Variants in CSMD1 observed in about 807,000 individuals in gnomAD.
The protein encoded by CSMD1 is CUB and sushi domain-containing protein 1.
A neutral mutation model predicts 417.5 loss-of-function variants in CSMD1; 213 were observed. The observed-to-expected ratio is 0.51, with a 90% CI of 0.46 to 0.57. The LOEUF (loss-of-function observed/expected upper bound fraction) is 0.57. CSMD1 is among the 20% of genes least tolerant of loss of function. The pLI is 0.00. For synonymous variants in CSMD1, 2,862 were observed against 1,736.8 expected, an observed-to-expected ratio of 1.65 and a Z score of -16.11; for missense variants, 6,923 against 4,529.7, an observed-to-expected ratio of 1.53 and a Z score of -15.17.
At chr8:3,548,376 G>A (rs1156388850) in intron 10 of CSMD1, among the ~76,000 whole-genome samples, 1 of 152,050 alleles carries the variant, frequency 6.6e-6, no homozygotes, top group Non-Finnish European at 1.5e-5. Context: ...TGATTCGTGA[G>A]ATTTTGGTGC....
intron 1 of CSMD1, among the ~76,000 whole-genome samples, chr8:4,874,562 G>C (rs1351930263): frequency 6.6e-6 from 1 of 151,366 alleles, no homozygotes; most frequent in South Asian, 2.1e-4. Context: ...GCTAATTTTT[G>C]TATTTTTTAG....
intron 1 of CSMD1, among the ~76,000 whole-genome samples, chr8:4,737,152 C>T (rs1055301645): frequency 3.4e-5 from 5 of 146,972 alleles, no homozygotes; most frequent in African/African-American, 1.4e-4. Context: ...TATTATGCAG[C>T]CACAAAAAAA....
At chr8:3,645,028 T>C (rs1797509633) in intron 7 of CSMD1, among the ~76,000 whole-genome samples, 3 of 151,452 alleles carry the variant, frequency 2.0e-5, no homozygotes, top group African/African-American at 4.9e-5. Flanking sequence ...TCTTCCTTTC[T>C]GTCCTCTACT....
intron 21 of CSMD1, among the ~76,000 whole-genome samples, chr8:3,350,405 T>C (rs555228800): frequency 2.6e-5 from 4 of 152,192 alleles, no homozygotes; most frequent in South Asian, 2.1e-4. Context: ...AACTGAAGCA[T>C]AGAATAGTTT....
At chr8:3,073,818 G>C (rs573038893) in intron 49 of CSMD1, among the ~76,000 whole-genome samples, 33 of 151,856 alleles carry the variant, frequency 2.2e-4, no homozygotes, top group African/African-American at 6.8e-4. Flanking sequence ...ATTCTCTACT[G>C]AGTAATGATC....
At chr8:4,157,697 G>C (rs13270571) in intron 3 of CSMD1, among the ~76,000 whole-genome samples, 47,172 of 152,028 alleles carry the variant, frequency 0.31, 9,086 homozygotes, top group Non-Finnish European at 0.42. Context: ...AACCGGCCTT[G>C]GGTGGGTCTG....
At chr8:3,220,315 G>A (rs1223279329) in intron 28 of CSMD1, among the ~76,000 whole-genome samples, 4 of 151,534 alleles carry the variant, frequency 2.6e-5, no homozygotes, top group Non-Finnish European at 5.9e-5. Context: ...CCATTTTTCT[G>A]TTTCTCTCTG....
chr8:3,408,177 G>C lies in CSMD1; in HGVS notation c.1793C>G (p.Pro598Arg). The C allele has an allele frequency of 1.9e-6, 3 of 1,612,092 alleles. No individual in the cohort carries two copies. Among genetic ancestry groups the C allele is most frequent in the Non-Finnish European group, 2.5e-6 (3 of 1,178,978 alleles). The change falls in exon 14 of 70, where the codon CCA (proline) becomes CGA (arginine). Residue 598 changes from proline to arginine, a missense_variant. Physicochemically the swap from Pro to Arg is moderately radical, Grantham distance 103. Transcript: ENST00000635120. Reference protein sequence around the residue: ...FTASSGIILSPNYPEEYGNNM... With the variant: ...FTASSGIILSRNYPEEYGNNM... Reference sequence around the variant, plus strand: ...GTTCCCATATTCCTCTGGATAATTTGGTGACAGAATAATCCCAGATGATGC... The same window carrying C: ...GTTCCCATATTCCTCTGGATAATTTCGTGACAGAATAATCCCAGATGATGC...
At chr8:3,906,493 T>C (rs1036703380) in intron 5 of CSMD1, among the ~76,000 whole-genome samples, 3 of 151,324 alleles carry the variant, frequency 2.0e-5, no homozygotes, top group Admixed American at 6.6e-5. Flanking sequence ...GTGTATCCGA[T>C]AAGAGAATGA....
intron 5 of CSMD1, among the ~76,000 whole-genome samples, chr8:3,762,684 A>C (rs1940996710): frequency 6.6e-6 from 1 of 152,140 alleles, no homozygotes; most frequent in African/African-American, 2.4e-5. Context: ...TGCCCAGAGA[A>C]AGAGAGAGAG....
intron 5 of CSMD1, among the ~76,000 whole-genome samples, chr8:3,957,543 G>C (rs1033640517): frequency 1.3e-4 from 20 of 152,042 alleles, no homozygotes; most frequent in Non-Finnish European, 4.4e-5. Context: ...AACTAGCTGG[G>C]CATGGCGGGG....
intron 1 of CSMD1, among the ~76,000 whole-genome samples, chr8:4,810,804 C>A (rs1336328854): frequency 6.6e-6 from 1 of 152,052 alleles, no homozygotes; most frequent in Non-Finnish European, 1.5e-5. Flanking sequence ...TATAATAAAT[C>A]ATATAAAGAA....
intron 1 of CSMD1, among the ~76,000 whole-genome samples, chr8:4,924,530 C>G (rs112598720): frequency 0.065 from 9,873 of 152,078 alleles, 398 homozygotes; most frequent in South Asian, 0.12. Context: ...CGAGACCAGC[C>G]TGGCCAACAT....
intron 2 of CSMD1, among the ~76,000 whole-genome samples, chr8:4,452,829 G>GA (rs1282476209): frequency 1.3e-5 from 2 of 152,146 alleles, no homozygotes; most frequent in East Asian, 1.9e-4. Context: ...AATATCAGGT[G>GA]AAAAAAACTA....
chr8:4,796,578 G>C (rs913135885), intron 1 of CSMD1, among the ~76,000 whole-genome samples: 1 of 151,524 alleles, frequency 6.6e-6, no homozygotes, highest in Non-Finnish European at 1.5e-5. Context: ...CACTCACTGT[G>C]GGAGGCTGCA....
At chr8:4,038,238 C>T (rs538682000) in intron 3 of CSMD1, among the ~76,000 whole-genome samples, 16 of 152,024 alleles carry the variant, frequency 1.1e-4, no homozygotes, top group Non-Finnish European at 2.2e-4. Flanking sequence ...TTAATGGGAA[C>T]AATGTGAATA....
chr8:3,606,738 G>C (rs1488097036), intron 8 of CSMD1, among the ~76,000 whole-genome samples: 1 of 146,590 alleles, frequency 6.8e-6, no homozygotes, highest in African/African-American at 2.5e-5. Flanking sequence ...TTGAGACAGA[G>C]TCTCACTGGG....
intron 38 of CSMD1, among the ~76,000 whole-genome samples, chr8:3,161,315 CT>C (rs1819877340): frequency 2.0e-5 from 3 of 152,062 alleles, no homozygotes; most frequent in Non-Finnish European, 1.5e-5. Context: ...TTCATCAAAA[CT>C]TTTATATAAA....
intron 3 of CSMD1, among the ~76,000 whole-genome samples, chr8:4,141,674 C>CTT (rs1803800091): frequency 6.6e-6 from 1 of 150,656 alleles, no homozygotes; most frequent in Non-Finnish European, 1.5e-5. Context: ...TAAACTTCTC[C>CTT]AGAAATTGCT....
Sources: gnomAD v4.1 joint callset for allele counts (sites outside exome capture counted in the v4.1 genomes callset) on GRCh38, gnomAD v4.1.1 for gene constraint, MANE v1.5 for transcripts, NCBI Gene and HGNC (gene_info 2026-07-23, HGNC 2026-07-21) for gene names.